The following MYO1E variants were observed in gnomAD, a reference collection of about 807,000 sequenced individuals.
The protein encoded by MYO1E is unconventional myosin-Ie.
MYO1E carries 68 observed loss-of-function variants against 151.1 expected under a neutral mutation model. That is an observed-to-expected ratio of 0.45 (90% CI 0.37 to 0.55). The LOEUF is 0.55. MYO1E is among the 20% of genes least tolerant of loss of function. MYO1E has a pLI of 0.00. For synonymous variants in MYO1E, 601 were observed against 501.7 expected (o/e 1.20, Z -2.64); for missense variants, 1,363 against 1,389.3 (o/e 0.98, Z 0.30).
chr15:59,294,614 C>G (rs1394257784), intron 1 of MYO1E, among the ~76,000 whole-genome samples: 4 of 152,192 alleles, frequency 2.6e-5, no homozygotes, highest in Non-Finnish European at 5.9e-5. Flanking sequence ...AGGGAGAACA[C>G]AGGCCTTCTT....
chr15:59,314,653 G>C (rs554838621), intron 1 of MYO1E, among the ~76,000 whole-genome samples: 1 of 152,040 alleles, frequency 6.6e-6, no homozygotes, highest in Non-Finnish European at 1.5e-5. Flanking sequence ...GCTCCCCAGA[G>C]GACATTTGGC....
At position 59,223,179 on chromosome 15, in the gene MYO1E, C is replaced by T; in HGVS notation, c.790G>A (p.Val264Met). ...TGCTCTTCTGCAAAGATCCCAATCA[C>T]ATTCATGGCGTGCTGGAAGAGAAAA... is the stretch of plus-strand genomic sequence containing the variant. ...EFQETLHAMN[V>M]IGIFAEEQTL... Residue 264 changes from valine (V) to methionine (M), a missense_variant, in exon 9 of 28, where the codon GTG becomes ATG. Val to Met is a conservative substitution (Grantham distance 21). Coordinates refer to ENST00000288235, the MANE Select transcript of MYO1E (RefSeq NM_004998.4). The T allele has an allele frequency of 6.2e-7, 1 of 1,614,214 alleles. No homozygotes were observed.
chr15:59,280,451 C>A (rs2080346695), intron 1 of MYO1E, among the ~76,000 whole-genome samples: 2 of 151,820 alleles, frequency 1.3e-5, no homozygotes, highest in South Asian at 4.2e-4. Context: ...ATTGTGAAAC[C>A]CCGTCCCTGC....
chr15:59,145,736 T>C (rs1161819446), intron 26 of MYO1E, among the ~76,000 whole-genome samples: 1 of 152,188 alleles, frequency 6.6e-6, no homozygotes. Flanking sequence ...TTAAAGTCTA[T>C]TGCTGATGTA....
intron 1 of MYO1E, 118 bp downstream of exon 1, chr15:59,372,380 C>T: frequency 7.8e-7 from 1 of 1,283,968 alleles, no homozygotes; most frequent in Non-Finnish European, 1.1e-6. Context: ...GTGCCGGCTC[C>T]CGCGTCCACC....
At chr15:59,148,283 ACTC>A (rs2079454227) in intron 26 of MYO1E, among the ~76,000 whole-genome samples, 2 of 152,064 alleles carry the variant, frequency 1.3e-5, no homozygotes, top group Non-Finnish European at 2.9e-5. Context: ...ATGAACCAGG[ACTC>A]ACCCTACTCT....
At chr15:59,235,568 C>T (rs1230128710) in intron 5 of MYO1E, among the ~76,000 whole-genome samples, 1 of 152,194 alleles carries the variant, frequency 6.6e-6, no homozygotes, top group Admixed American at 6.5e-5. Flanking sequence ...AATTATTTCA[C>T]CAGTTGCCTA....
At chr15:59,224,007 T>G (rs911438916) in intron 8 of MYO1E, among the ~76,000 whole-genome samples, 1 of 152,216 alleles carries the variant, frequency 6.6e-6, no homozygotes, top group Admixed American at 6.5e-5. Context: ...CAGAGTCTAC[T>G]GCTCAGTTCT....
chr15:59,153,899 G>T, intron 25 of MYO1E, 108 bp from the exon 26 acceptor site: 1 of 1,052,914 alleles, frequency 9.5e-7, no homozygotes, highest in East Asian at 2.5e-5. Context: ...CTTAACTTCT[G>T]AGTCTCAATT....
chr15:59,213,136 TTTATTA>T (rs147109664), intron 12 of MYO1E, among the ~76,000 whole-genome samples: 17,097 of 139,108 alleles, frequency 0.12, 1,061 homozygotes, highest in Middle Eastern at 0.14. Flanking sequence ...GAACTATTTA[TTTATTA>T]TTATTATTAT....
At chr15:59,346,130 C>T (rs2080792802) in intron 1 of MYO1E, among the ~76,000 whole-genome samples, 1 of 152,208 alleles carries the variant, frequency 6.6e-6, no homozygotes, top group Non-Finnish European at 1.5e-5. Flanking sequence ...CTGAATCCCT[C>T]ATTCAGCTAG....
intron 1 of MYO1E, among the ~76,000 whole-genome samples, chr15:59,338,834 T>G (rs1408193681): frequency 6.6e-6 from 1 of 152,166 alleles, no homozygotes; most frequent in Non-Finnish European, 1.5e-5. Flanking sequence ...GAGTGCACCC[T>G]ATAAATAAAA....
At chr15:59,181,664 G>A (rs1354206136) in intron 18 of MYO1E, among the ~76,000 whole-genome samples, 1 of 152,188 alleles carries the variant, frequency 6.6e-6, no homozygotes, top group Non-Finnish European at 1.5e-5. Context: ...GAGAGGAAAC[G>A]AACACACACT....
chr15:59,207,198 C>T (rs755114403), intron 14 of MYO1E: 2 of 1,614,102 alleles, frequency 1.2e-6, no homozygotes, highest in South Asian at 2.2e-5. Flanking sequence ...CCTGCGCTAT[C>T]AGCATCTTAT....
At chr15:59,333,690 G>A (rs1460134552) in intron 1 of MYO1E, among the ~76,000 whole-genome samples, 1 of 152,124 alleles carries the variant, frequency 6.6e-6, no homozygotes, top group African/African-American at 2.4e-5. Flanking sequence ...CTTCTTTCTA[G>A]ATCCATTCTC....
At chr15:59,276,998 G>A (rs1310551091) in intron 1 of MYO1E, among the ~76,000 whole-genome samples, 2 of 152,152 alleles carry the variant, frequency 1.3e-5, no homozygotes, top group South Asian at 2.1e-4. Context: ...GAGAAAGGAG[G>A]AGTTACCCAT....
chr15:59,248,038 G>A (rs1291364979), intron 4 of MYO1E, among the ~76,000 whole-genome samples: 1 of 129,962 alleles, frequency 7.7e-6, no homozygotes, highest in Non-Finnish European at 1.5e-5. Flanking sequence ...TGAGGCAAGA[G>A]AATCACTTGA....
chr15:59,227,449 A>G lies in MYO1E; in HGVS notation c.642+10T>C. 1 of 1,614,098 alleles carries G rather than the reference A, an allele frequency of 6.2e-7. No individual in the cohort carries two copies. The highest frequency in any genetic ancestry group is 8.5e-7 in the Non-Finnish European group (1 of 1,179,974). On this transcript the variant is annotated intron_variant, in intron 7 of 27. Coordinates refer to ENST00000288235, the MANE Select transcript of MYO1E (RefSeq NM_004998.4). ...CAGGAAGTGGGTAGGAAAAAAGTAA[A>G]CAGGAAAACCTGGTAAAATATGTGA...
chr15:59,145,584 G>A (rs1363341039), intron 26 of MYO1E, among the ~76,000 whole-genome samples: 1 of 151,994 alleles, frequency 6.6e-6, no homozygotes, highest in Non-Finnish European at 1.5e-5. Context: ...TAGAGATGGG[G>A]TTTCACCCTG....
Sources: gnomAD v4.1 joint callset for allele counts (sites outside exome capture counted in the v4.1 genomes callset) on GRCh38, gnomAD v4.1.1 for gene constraint, MANE v1.5 for transcripts, NCBI Gene and HGNC (gene_info 2026-07-23, HGNC 2026-07-21) for gene names.